SERPINB12: variants seen among roughly 807,000 people sequenced by gnomAD.
SERPINB12 encodes serpin family B member 12, also known as serpin B12.
A neutral mutation model predicts 41.1 loss-of-function variants in SERPINB12; 57 were observed. That is an observed-to-expected ratio of 1.39 (90% CI 1.12 to 1.73). The LOEUF (loss-of-function observed/expected upper bound fraction) is 1.73, where lower values mean the gene tolerates loss of function less well. Ranked by LOEUF, SERPINB12 falls within the 40% of genes most tolerant of loss-of-function variation. The pLI, the probability that SERPINB12 is intolerant of heterozygous loss-of-function variation, is 0.00. For synonymous variants in SERPINB12, 180 were observed against 181.3 expected, an observed-to-expected ratio of 0.99 and a Z score of 0.06; for missense variants, 536 against 501.9, an observed-to-expected ratio of 1.07 and a Z score of -0.65.
At position 63,568,349 on chromosome 18, in the gene SERPINB12, C is replaced by G. The variant is rs1266369511; in HGVS notation, c.*1338C>G. ...TAAGCTGAGATGGCGCCACTGCACT[C>G]CAGCCTGGGTGACAGAGCGAAACCC... is the stretch of plus-strand genomic sequence containing the variant. On this transcript the variant is annotated 3_prime_UTR_variant, in exon 8 of 8. Coordinates refer to ENST00000382768, the MANE Select transcript of SERPINB12 (RefSeq NM_001307928.2). 6.6e-6 allele frequency among the ~76,000 whole-genome samples: 1 copy of G among 152,122 alleles called. No homozygotes were observed. The highest frequency in any genetic ancestry group is 1.5e-5 in the Non-Finnish European group (1 of 68,022).
At chr18:63,523,457 G>C in the SERPINB12 span, among the ~76,000 whole-genome samples, 1 of 152,160 alleles carries the variant, frequency 6.6e-6, no homozygotes, top group Admixed American at 6.5e-5. Flanking sequence ...AGATAATCTG[G>C]AAGTCAAACC....
rs572659783 is a variant in SERPINB12 at position 63,556,232 on chromosome 18, C to T, written c.73C>T (p.His25Tyr). 37 of 1,613,996 alleles carry T rather than the reference C, an allele frequency of 2.3e-5. No individual in the cohort carries two copies. In the South Asian group the frequency reaches 3.5e-4, roughly 15 times the overall value. ...TCAAGAGATAGGCAAAGATGATCGT[C>T]ATAAAAACATATTTTTCTCTCCCCT... is the stretch of plus-strand genomic sequence containing the variant. ...LFQEIGKDDR[H>Y]KNIFFSPLSL... The change falls in exon 2 of 8, where the codon CAT becomes TAT. Residue 25 changes from histidine to tyrosine, a missense_variant. Physicochemically the swap from His to Tyr is moderately conservative, Grantham distance 83 (BLOSUM62 2). Transcript: ENST00000382768.
Position 63,568,389 on chromosome 18 carries a change from A to G in SERPINB12, c.*1378A>G, listed in dbSNP as rs528788062. 6.6e-6 allele frequency among the ~76,000 whole-genome samples: 1 copy of G among 152,190 alleles called. No individual in the cohort carries two copies. Among genetic ancestry groups the G allele is most frequent in the South Asian group, 2.1e-4 (1 of 4,814 alleles). On this transcript the variant is annotated 3_prime_UTR_variant, in exon 8 of 8. Transcript: ENST00000382768. Reference sequence around the variant, plus strand: ...GAGCGAAACCCTGTCTCAAAAAACAAACAAACAAAAAACCCAAAAAGCCAA... The same window carrying G: ...GAGCGAAACCCTGTCTCAAAAAACAGACAAACAAAAAACCCAAAAAGCCAA...
chr18:63,550,239 G>A (rs1277405797), intron 1 of SERPINB12, among the ~76,000 whole-genome samples: 1 of 152,152 alleles, frequency 6.6e-6, no homozygotes, highest in Non-Finnish European at 1.5e-5. Flanking sequence ...TCACTAAGAG[G>A]CAGCCTGTGT....
intron 1 of SERPINB12, among the ~76,000 whole-genome samples, chr18:63,551,899 G>A (rs1426606445): frequency 6.6e-6 from 1 of 152,146 alleles, no homozygotes; most frequent in Admixed American, 6.5e-5. Context: ...CAGGGATTTG[G>A]TCTATGTCCT....
intron 1 of SERPINB12, among the ~76,000 whole-genome samples, chr18:63,549,757 A>G (rs1910478054): frequency 6.6e-6 from 1 of 152,142 alleles, no homozygotes; most frequent in East Asian, 1.9e-4. Flanking sequence ...GGTCCTTTCT[A>G]CAACCAGTGG....
intron 2 of SERPINB12, among the ~76,000 whole-genome samples, chr18:63,556,878 C>A (rs1271900007): frequency 1.3e-5 from 2 of 152,196 alleles, no homozygotes; most frequent in Non-Finnish European, 2.9e-5. Context: ...TGAACCACAA[C>A]CATCTTTTCT....
chr18:63,564,005 A>T lies in SERPINB12; in HGVS notation c.590A>T (p.Asp197Val). Residue 197 changes from aspartate (D) to valine (V), a missense_variant, in exon 6 of 8, where the codon GAC (aspartate) becomes GTC (valine). By Grantham distance (152) the Asp-to-Val change is radical (BLOSUM62 -3). Transcript: ENST00000382768. ...QGKIKELFSK[D>V]AINAETVLVL... ...AAAATCAAGGAACTCTTCAGCAAGG[A>T]CGCTATTAATGCTGAGACTGTGCTG... The T allele has an allele frequency of 6.2e-7, 1 of 1,612,762 alleles. No homozygotes were observed. The highest frequency in any genetic ancestry group is 1.1e-5 in the South Asian group (1 of 90,512).
At chr18:63,559,355 G>A (rs12103953) in intron 3 of SERPINB12, among the ~76,000 whole-genome samples, 87,920 of 151,704 alleles carry the variant, frequency 0.58, 27,606 homozygotes, top group Middle Eastern at 0.72. Flanking sequence ...TTTCCTGGAT[G>A]ATCTTGATAT....
At chr18:63,560,950 G>C (rs2144343668) in intron 4 of SERPINB12, 135 bp from the exon 5 acceptor site, 1 of 669,706 alleles carries the variant, frequency 1.5e-6, no homozygotes, top group South Asian at 1.9e-5. Context: ...GCTAGAAACT[G>C]TCAGGCCTGT....
chr18:63,559,044 T>TTCTTTC (rs1555675635), intron 3 of SERPINB12, among the ~76,000 whole-genome samples: 9 of 91,248 alleles, frequency 9.9e-5, no homozygotes, highest in African/African-American at 1.5e-4. Context: ...CTTTCTTTCT[T>TTCTTTC]TCTTTCTTTC....
chr18:63,530,853 C>T, the SERPINB12 span, among the ~76,000 whole-genome samples: 2 of 152,114 alleles, frequency 1.3e-5, no homozygotes, highest in Admixed American at 6.6e-5. Flanking sequence ...ATTGGGAAAA[C>T]CTAACCAAGG....
At chr18:63,558,239 G>T in intron 2 of SERPINB12, 113 bp from the exon 3 acceptor site, 1 of 1,233,594 alleles carries the variant, frequency 8.1e-7, no homozygotes, top group Non-Finnish European at 1.1e-6. Flanking sequence ...GTTGTTGATT[G>T]TTTTGTTTGA....
chr18:63,519,628 C>T, the SERPINB12 span, among the ~76,000 whole-genome samples: 1 of 152,162 alleles, frequency 6.6e-6, no homozygotes, highest in African/African-American at 2.4e-5. Context: ...TGTTGAAAAT[C>T]ATGAGCCTCT....
At chr18:63,559,545 G>A (rs1276746831) in intron 3 of SERPINB12, 33 bp from the exon 4 acceptor site, 1 of 1,611,708 alleles carries the variant, frequency 6.2e-7, no homozygotes, top group African/African-American at 1.3e-5. Context: ...GATAGACACA[G>A]TGAAGGTCAC....
chr18:63,552,355 T>C (rs1568126326), intron 1 of SERPINB12, among the ~76,000 whole-genome samples: 1 of 152,194 alleles, frequency 6.6e-6, no homozygotes, highest in Non-Finnish European at 1.5e-5. Flanking sequence ...ACAAGACAAT[T>C]AATCTTAAAT....
At chr18:63,560,653 A>C (rs537877465) in intron 4 of SERPINB12, among the ~76,000 whole-genome samples, 1 of 152,252 alleles carries the variant, frequency 6.6e-6, no homozygotes, top group East Asian at 1.9e-4. Flanking sequence ...TGTAACCATC[A>C]CCTTATCTAT....
chr18:63,531,377 G>A, the SERPINB12 span, among the ~76,000 whole-genome samples: 2 of 152,164 alleles, frequency 1.3e-5, no homozygotes, highest in Non-Finnish European at 2.9e-5. Context: ...CAAATATTCA[G>A]GGATGGACCA....
the SERPINB12 span, among the ~76,000 whole-genome samples, chr18:63,529,944 A>C: frequency 6.6e-6 from 1 of 152,120 alleles, no homozygotes. Flanking sequence ...ACAATTAAAA[A>C]ACCTACAAGA....
Sources: allele counts gnomAD v4.1 joint callset (sites outside exome capture counted in the v4.1 genomes callset), GRCh38; gene constraint gnomAD v4.1.1; transcripts MANE v1.5; gene names NCBI Gene and HGNC (gene_info 2026-07-23, HGNC 2026-07-21).